The following MAP4K1 variants were observed in gnomAD, a reference collection of about 807,000 sequenced individuals.
MAP4K1 encodes mitogen-activated protein kinase kinase kinase kinase 1, also known as MAPK/ERK kinase kinase kinase 1.
In MAP4K1, 35 loss-of-function variants were observed where a neutral mutation model predicts 122.8. That is an observed-to-expected ratio of 0.29 (90% CI 0.22 to 0.38). MAP4K1 has a LOEUF of 0.38. MAP4K1 is among the 10% of genes least tolerant of loss of function. The probability of loss-of-function intolerance (pLI) is 1.00; values close to 1 mark genes in which losing one functional copy is unlikely to be tolerated. For synonymous variants in MAP4K1, 412 were observed against 421.3 expected (o/e 0.98, Z 0.27); for missense variants, 791 against 1,072.6 (o/e 0.74, Z 3.67).
In MAP4K1 at chr19:38,605,392, G is replaced by A. The variant is rs781774965; in HGVS notation, c.1446+17C>T. The A allele has an allele frequency of 2.0e-6, 3 of 1,532,894 alleles. No homozygotes were observed. The South Asian group carries it at 3.5e-5, about 18-fold the overall frequency. 95.0% of individuals were successfully genotyped at this position (1,532,894 alleles called of 1,614,324 possible). A position where few individuals can be genotyped will look rare whatever the true frequency, so the allele number is the denominator to read the frequency against. On this transcript the variant is annotated intron_variant, in intron 19 of 30. Coordinates refer to ENST00000396857, the MANE Select transcript of MAP4K1 (RefSeq NM_001042600.3). ...CCCCGTCCAGAGGTGTAAGTCCTCAGCAGAGCTGAACCTCACCTTTCTCTT... is the reference window on the plus strand; with the variant it reads ...CCCCGTCCAGAGGTGTAAGTCCTCAACAGAGCTGAACCTCACCTTTCTCTT...
intron 30 of MAP4K1, among the ~76,000 whole-genome samples, chr19:38,591,612 CAAAATAGTT>C (rs1175582726): frequency 1.3e-5 from 2 of 150,712 alleles, no homozygotes; most frequent in South Asian, 2.1e-4. Flanking sequence ...TAAATTATGT[CAAAATAGTT>C]AAAATAGTTA....
Position 38,611,310 on chromosome 19 carries a change from A to C in MAP4K1, c.666-5T>G. The C allele has an allele frequency of 1.9e-6, 3 of 1,609,978 alleles. No homozygotes were observed. Among genetic ancestry groups the C allele is most frequent in the Non-Finnish European group, 2.6e-6 (3 of 1,176,352 alleles). On this transcript the variant is annotated splice_region_variant and splice_polypyrimidine_tract_variant and intron_variant, in intron 9 of 30. Coordinates refer to ENST00000396857, the MANE Select transcript of MAP4K1 (RefSeq NM_001042600.3). ...TTGGTCATGAGGAAGAGAACTCTAG[A>C]ATAGTAGGGAAAGGACATGGGGTTC...
chr19:38,603,342 A>G (rs1975214605), intron 19 of MAP4K1, among the ~76,000 whole-genome samples: 1 of 150,756 alleles, frequency 6.6e-6, no homozygotes, highest in Non-Finnish European at 1.5e-5. Flanking sequence ...GCATATACAT[A>G]TATACACATA....
At position 38,597,473 on chromosome 19, in the gene MAP4K1, T is replaced by A; in HGVS notation, c.1778+13A>T. The A allele has an allele frequency of 6.2e-7, 1 of 1,613,644 alleles. No homozygotes were observed. ...TATAAGGCTGTGTGGTGCCATTCAT[T>A]GGGAGCTGGTACCTTGCCAGTAGGC... On this transcript the variant is annotated intron_variant, in intron 23 of 30. Transcript: ENST00000396857. This position sits in a 1 kb window ranked among gnomAD's most constrained non-coding sequence, Gnocchi z 4.6.
At chr19:38,611,491 G>C (rs958174574) in intron 9 of MAP4K1, among the ~76,000 whole-genome samples, 186 bp from the exon 10 acceptor site, 3 of 152,168 alleles carry the variant, frequency 2.0e-5, no homozygotes, top group Non-Finnish European at 4.4e-5. Context: ...AAGTGATAGA[G>C]CTATGGCAAG....
At chr19:38,612,787 GGAAGGGAAGGAGGGGCAGA>G in intron 8 of MAP4K1, 45 bp from the exon 9 acceptor site, 1 of 1,602,182 alleles carries the variant, frequency 6.2e-7, no homozygotes. Context: ...CATGGGGACA[GGAAGGGAAGGAGGGGCAGA>G]GAAGGAGAAG....
chr19:38,605,346 CA>C, intron 19 of MAP4K1, 62 bp downstream of exon 19: 3 of 1,224,524 alleles, frequency 2.4e-6, no homozygotes, highest in East Asian at 2.5e-5. Flanking sequence ...ACCCCCTCCC[CA>C]CCCCACCAGG....
At chr19:38,599,010 C>T (rs1974975926) in intron 22 of MAP4K1, among the ~76,000 whole-genome samples, 1 of 96,088 alleles carries the variant, frequency 1.0e-5, no homozygotes, top group South Asian at 3.9e-4. Context: ...GAGAGTCTAT[C>T]TCAAAAAAAA....
Position 38,607,983 on chromosome 19 carries a change from C to T in MAP4K1, c.1109+7G>A, listed in dbSNP as rs772508379. On this transcript the variant is annotated splice_region_variant and intron_variant, in intron 15 of 30. Coordinates refer to ENST00000396857, the MANE Select transcript of MAP4K1 (RefSeq NM_001042600.3). ...GCCCCCTCCCCATCCTCCCTGGGGT[C>T]CCTGACCTGGGGCTGCTGCTCCTGA... 6 of 1,611,550 alleles carry T rather than the reference C, an allele frequency of 3.7e-6. No homozygotes were observed. Among genetic ancestry groups the T allele is most frequent in the Non-Finnish European group, 5.1e-6 (6 of 1,178,922 alleles).
Position 38,614,305 on chromosome 19 carries a change from G to T in MAP4K1, c.370-13C>A. ...AATAGGCCAGTCCCTGGGGAGAAGG[G>T]TGGACAAGGGGACAGTGAGTGTTTG... On this transcript the variant is annotated splice_polypyrimidine_tract_variant and intron_variant, in intron 5 of 30. Transcript: ENST00000396857. 1 of 1,614,208 alleles carries T rather than the reference G, an allele frequency of 6.2e-7. No homozygotes were observed. Among genetic ancestry groups the T allele is most frequent in the Non-Finnish European group, 8.5e-7 (1 of 1,180,008 alleles).
chr19:38,614,217 C>G, intron 6 of MAP4K1, 28 bp downstream of exon 6: 1 of 1,613,360 alleles, frequency 6.2e-7, no homozygotes, highest in Admixed American at 1.7e-5. Context: ...CCCCACCCCC[C>G]AACAGCACCC....
chr19:38,589,811 CTT>C (rs1282919479), intron 30 of MAP4K1, among the ~76,000 whole-genome samples: 1 of 152,168 alleles, frequency 6.6e-6, no homozygotes, highest in Non-Finnish European at 1.5e-5. Flanking sequence ...AGGTGAATCT[CTT>C]GAGTCCAGGA....
chr19:38,600,962 C>T (rs868496645), intron 20 of MAP4K1, among the ~76,000 whole-genome samples: 16 of 151,992 alleles, frequency 1.1e-4, no homozygotes, highest in African/African-American at 3.1e-4. Flanking sequence ...CGTGCTACCA[C>T]GCCTGGCTAA....
intron 19 of MAP4K1, among the ~76,000 whole-genome samples, chr19:38,602,561 T>C (rs1030953546): frequency 7.8e-6 from 1 of 129,004 alleles, no homozygotes; most frequent in Non-Finnish European, 1.7e-5. Flanking sequence ...TATACACACA[T>C]ATACATATAT....
At chr19:38,600,774 C>T (rs1975035180) in intron 20 of MAP4K1, among the ~76,000 whole-genome samples, 1 of 150,476 alleles carries the variant, frequency 6.6e-6, no homozygotes, top group African/African-American at 2.4e-5. Context: ...TTCCTACTTT[C>T]ACTCTCCAAC....
At chr19:38,603,390 A>G (rs1322540609) in intron 19 of MAP4K1, among the ~76,000 whole-genome samples, 2 of 149,736 alleles carry the variant, frequency 1.3e-5, no homozygotes, top group Non-Finnish European at 2.9e-5. Context: ...ACACATGTAC[A>G]TATATATGCA....
intron 9 of MAP4K1, among the ~76,000 whole-genome samples, chr19:38,611,885 G>T (rs1181718113): frequency 6.6e-6 from 1 of 151,956 alleles, no homozygotes; most frequent in African/African-American, 2.4e-5. Flanking sequence ...GATCACTTGA[G>T]GTCAGGAGTT....
intron 29 of MAP4K1, 33 bp from the exon 30 acceptor site, chr19:38,593,370 G>A: frequency 6.4e-7 from 1 of 1,574,224 alleles, no homozygotes; most frequent in Non-Finnish European, 8.7e-7. Context: ...TCAGTGCCTG[G>A]AAGATACCTC....
intron 11 of MAP4K1, among the ~76,000 whole-genome samples, chr19:38,610,358 A>T (rs899925286): frequency 7.5e-6 from 1 of 132,660 alleles, no homozygotes; most frequent in Non-Finnish European, 1.6e-5. Context: ...GGCTCGTGCC[A>T]CCACGCCCAG....
Sources: allele counts gnomAD v4.1 joint callset (sites outside exome capture counted in the v4.1 genomes callset), GRCh38; gene constraint gnomAD v4.1.1; non-coding constraint Gnocchi (gnomAD v3.1); transcripts MANE v1.5; gene names NCBI Gene and HGNC (gene_info 2026-07-23, HGNC 2026-07-21).